The following PDLIM3 variants were observed in gnomAD, a reference collection of about 807,000 sequenced individuals.
PDLIM3 encodes the protein PDZ and LIM domain 3, also known as PDZ and LIM domain protein 3.
PDLIM3 carries 36 observed loss-of-function variants against 37.3 expected under a neutral mutation model. That is an observed-to-expected ratio of 0.97 (90% CI 0.74 to 1.28). The LOEUF (loss-of-function observed/expected upper bound fraction) is 1.28. PDLIM3 is among the 50% of genes most tolerant of loss of function. The pLI is 0.00. For missense variants in PDLIM3, 454 were observed against 485.0 expected (o/e 0.94, Z 0.60); for synonymous variants, 174 against 182.4 (o/e 0.95, Z 0.37).
chr4:185,512,505 T>A, intron 4 of PDLIM3: 1 of 172,926 alleles, frequency 5.8e-6, no homozygotes, highest in Non-Finnish European at 1.2e-5. Flanking sequence ...ATGACAACAT[T>A]ATGAGTGGCT....
chr4:185,510,373 T>C (rs2095704595), intron 4 of PDLIM3, among the ~76,000 whole-genome samples: 1 of 152,188 alleles, frequency 6.6e-6, no homozygotes, highest in Non-Finnish European at 1.5e-5. Context: ...TTTAGAACTT[T>C]TACTTATGCC....
chr4:185,505,794 C>T (rs1386968230), intron 6 of PDLIM3, among the ~76,000 whole-genome samples: 2 of 152,204 alleles, frequency 1.3e-5, no homozygotes, highest in African/African-American at 4.8e-5. Flanking sequence ...CAGTAATGCA[C>T]AGGGTTCCCA....
rs1014401484 is a variant in PDLIM3, at chr4:185,514,123, A to C, written c.398+147T>G. 12 of 1,542,784 alleles carry C rather than the reference A, an allele frequency of 7.8e-6. No individual in the cohort carries two copies. The highest frequency in any genetic ancestry group is 1.7e-4 in the Middle Eastern group (1 of 5,952). Reference sequence around the variant, plus strand: ...AGTTATTTGGCTTCTGTTCTCTGCCAAGTGAGTTTGTTTCTTTTTGCTTTT... The same window carrying C: ...AGTTATTTGGCTTCTGTTCTCTGCCCAGTGAGTTTGTTTCTTTTTGCTTTT... On this transcript the variant is annotated intron_variant, in intron 4 of 7. Coordinates refer to ENST00000284767, the MANE Select transcript of PDLIM3 (RefSeq NM_014476.6). The surrounding 1 kb of genome is among the most constrained non-coding windows in gnomAD (Gnocchi z 4.0).
chr4:185,534,812 C>G (rs3805379), intron 1 of PDLIM3, among the ~76,000 whole-genome samples: 52,124 of 152,078 alleles, frequency 0.34, 10,875 homozygotes, highest in African/African-American at 0.59. Context: ...CTGATAGGAG[C>G]GGCTCCAGTT....
intron 3 of PDLIM3, chr4:185,516,507 G>A (rs1051295404): frequency 6.6e-6 from 1 of 152,202 alleles, no homozygotes; most frequent in East Asian, 1.9e-4. Context: ...AGAAAAGAGA[G>A]TGTCTCTCTT....
chr4:185,505,450 G>A (rs6848096), intron 6 of PDLIM3, among the ~76,000 whole-genome samples: 107,101 of 151,954 alleles, frequency 0.7, 41,227 homozygotes, highest in Non-Finnish European at 0.85. Context: ...GTAAAACCCC[G>A]TCTCTACCAA....
At chr4:185,530,581 C>G (rs1310270874) in intron 1 of PDLIM3, among the ~76,000 whole-genome samples, 1 of 152,172 alleles carries the variant, frequency 6.6e-6, no homozygotes, top group Non-Finnish European at 1.5e-5. Flanking sequence ...GAAGCTTGCC[C>G]TGTACACTAG....
chr4:185,518,083 T>C (rs2095717577), intron 3 of PDLIM3, among the ~76,000 whole-genome samples: 1 of 152,190 alleles, frequency 6.6e-6, no homozygotes, highest in Non-Finnish European at 1.5e-5. Flanking sequence ...CCCAAATAAT[T>C]CTTATTTCTT....
At position 185,508,580 on chromosome 4, in the gene PDLIM3, C is replaced by A; in HGVS notation, c.399-18G>T. 6.2e-7 allele frequency: 1 copy of A among 1,612,454 alleles called. No individual in the cohort carries two copies. The highest frequency in any genetic ancestry group is 8.5e-7 in the Non-Finnish European group (1 of 1,178,938). On this transcript the variant is annotated intron_variant, in intron 4 of 7. Transcript: ENST00000284767. Reference sequence around the variant, plus strand: ...TGCATCCACTGTGTTAATGGATACACGTTACACAGAGATGGCACCGGGAGC... The same window carrying A: ...TGCATCCACTGTGTTAATGGATACAAGTTACACAGAGATGGCACCGGGAGC...
intron 4 of PDLIM3, among the ~76,000 whole-genome samples, chr4:185,511,652 T>C (rs1028535777): frequency 6.6e-6 from 1 of 152,172 alleles, no homozygotes; most frequent in Non-Finnish European, 1.5e-5. Context: ...TGAGCCGCCA[T>C]GTCCAGCACT....
At chr4:185,532,558 C>A (rs754285294) in intron 1 of PDLIM3, among the ~76,000 whole-genome samples, 1 of 152,070 alleles carries the variant, frequency 6.6e-6, no homozygotes, top group Non-Finnish European at 1.5e-5. Flanking sequence ...TCAGGGAAAT[C>A]GTAAGTAGTC....
chr4:185,510,929 T>TGGG (rs2153333940), intron 4 of PDLIM3, among the ~76,000 whole-genome samples: 1 of 152,340 alleles, frequency 6.6e-6, no homozygotes, highest in Admixed American at 6.5e-5. Context: ...TGGATATCAC[T>TGGG]GGGGATAGCA....
chr4:185,519,830 G>A (rs1050316603), intron 3 of PDLIM3, among the ~76,000 whole-genome samples: 1 of 152,124 alleles, frequency 6.6e-6, no homozygotes, highest in Non-Finnish European at 1.5e-5. Flanking sequence ...GACTTGGGTT[G>A]AGAAACAAAA....
chr4:185,535,477 A>C lies in PDLIM3; in HGVS notation c.-43T>G, dbSNP rs1279832073. 2.0e-6 allele frequency: 3 copies of C among 1,510,674 alleles called. No homozygotes were observed. The highest frequency in any genetic ancestry group is 1.8e-6 in the Non-Finnish European group (2 of 1,117,416). The allele number at this position is 1,510,674 out of a possible 1,614,324, so 93.6% of individuals were successfully genotyped here. On this transcript the variant is annotated 5_prime_UTR_variant, in exon 1 of 8. Transcript: ENST00000284767. ...CACCGGGCTCTAAGTGTCCCCGCGC[A>C]GGGCAGCCACTCCGCGCCGGGCGGC...
intron 1 of PDLIM3, among the ~76,000 whole-genome samples, chr4:185,526,295 G>C (rs1463748103): frequency 6.6e-6 from 1 of 152,218 alleles, no homozygotes; most frequent in African/African-American, 2.4e-5. Flanking sequence ...ACGAATGAAG[G>C]ACAGATGAAA....
chr4:185,502,331 T>C lies in PDLIM3; in HGVS notation c.1058A>G (p.Glu353Gly), dbSNP rs746610846. The stretch of plus-strand genomic sequence containing the variant: ...ATACAGAGTGACCGTGTCATAGCCC[T>C]CTGGGGGCTTTGTGCGGGCTCTTGC... The part of the protein sequence containing the change: ...THARARTKPP[E>G]GYDTVTLYPK... Residue 353 changes from glutamate to glycine, a missense_variant, in exon 8 of 8, where the codon GAG becomes GGG. By Grantham distance (98) the Glu-to-Gly change is moderately conservative. Coordinates refer to ENST00000284767, the MANE Select transcript of PDLIM3 (RefSeq NM_014476.6). 1.2e-6 allele frequency: 2 copies of C among 1,614,232 alleles called. No homozygotes were observed. Among genetic ancestry groups the C allele is most frequent in the Non-Finnish European group, 1.7e-6 (2 of 1,180,046 alleles).
At chr4:185,510,620 G>A (rs150192856) in intron 4 of PDLIM3, among the ~76,000 whole-genome samples, 78 of 151,482 alleles carry the variant, frequency 5.1e-4, no homozygotes, top group Middle Eastern at 3.4e-3. Flanking sequence ...TCAAATTGTC[G>A]CAAATCTCCA....
rs1176186435 is a variant in PDLIM3 at position 185,504,687 on chromosome 4, T to C, written c.794-101A>G. On this transcript the variant is annotated intron_variant, in intron 6 of 7. Coordinates refer to ENST00000284767, the MANE Select transcript of PDLIM3 (RefSeq NM_014476.6). The surrounding 1 kb of genome is among the most constrained non-coding windows in gnomAD (Gnocchi z 4.7). ...GTGCACTTTAACCTGAAGTTGCATC[T>C]GCACCGTCATTCCGAGAGGGGCAGG... 2.3e-6 allele frequency: 2 copies of C among 867,522 alleles called. No individual in the cohort carries two copies. Among genetic ancestry groups the C allele is most frequent in the East Asian group, 2.6e-5 (1 of 37,792 alleles). 53.7% of individuals were successfully genotyped at this position (867,522 alleles called of 1,614,324 possible). A position where few individuals can be genotyped will look rare whatever the true frequency, so the allele number is the denominator to read the frequency against.
At position 185,514,182 on chromosome 4, in the gene PDLIM3, A is replaced by G; in HGVS notation, c.398+88T>C. 1 of 1,612,268 alleles carries G rather than the reference A, an allele frequency of 6.2e-7. No individual in the cohort carries two copies. The highest frequency in any genetic ancestry group is 8.5e-7 in the Non-Finnish European group (1 of 1,179,234). Reference sequence around the variant, plus strand: ...CTTCGCAATGAGAAAAGCCACTCCAAACATCTACCAGTTACTTTTCTTGAT... The same window carrying G: ...CTTCGCAATGAGAAAAGCCACTCCAGACATCTACCAGTTACTTTTCTTGAT... On this transcript the variant is annotated intron_variant, in intron 4 of 7. Coordinates refer to ENST00000284767, the MANE Select transcript of PDLIM3 (RefSeq NM_014476.6). The surrounding 1 kb of genome is among the most constrained non-coding windows in gnomAD (Gnocchi z 4.0).
Sources: allele counts gnomAD v4.1 joint callset (sites outside exome capture counted in the v4.1 genomes callset), GRCh38; gene constraint gnomAD v4.1.1; non-coding constraint Gnocchi (gnomAD v3.1); transcripts MANE v1.5; gene names NCBI Gene and HGNC (gene_info 2026-07-23, HGNC 2026-07-21).